Variants in ARSB observed in about 807,000 individuals in gnomAD.
ARSB encodes the protein arylsulfatase B.
In ARSB, 41 loss-of-function variants were observed where a neutral mutation model predicts 50.9. The observed-to-expected ratio is 0.81, with a 90% CI of 0.63 to 1.04. The LOEUF is 1.04. Among genes scored for constraint, ARSB ranks in the 50% least tolerant of loss-of-function variants. The pLI is 0.00. For missense variants in ARSB, 672 were observed against 693.3 expected, an observed-to-expected ratio of 0.97 and a Z score of 0.35; for synonymous variants, 269 against 284.8, an observed-to-expected ratio of 0.94 and a Z score of 0.56.
intron 4 of ARSB, among the ~76,000 whole-genome samples, chr5:78,933,786 G>A (rs987716204): frequency 6.6e-6 from 1 of 152,196 alleles, no homozygotes; most frequent in African/African-American, 2.4e-5. Context: ...TGGCAACGGG[G>A]AGTTAAAGTT....
intron 4 of ARSB, among the ~76,000 whole-genome samples, chr5:78,913,837 T>C (rs1215208962): frequency 1.3e-5 from 2 of 152,216 alleles, no homozygotes; most frequent in African/African-American, 2.4e-5. Context: ...CTGCTATTGT[T>C]AAAACTCATG....
intron 6 of ARSB, among the ~76,000 whole-genome samples, chr5:78,834,879 C>T (rs1367936140): frequency 6.6e-6 from 1 of 151,672 alleles, no homozygotes; most frequent in Admixed American, 6.6e-5. Flanking sequence ...TCCATAGAGG[C>T]TACATTATTT....
At chr5:78,851,047 G>T (rs1745748267) in intron 5 of ARSB, among the ~76,000 whole-genome samples, 1 of 152,118 alleles carries the variant, frequency 6.6e-6, no homozygotes, top group Admixed American at 6.5e-5. Context: ...GGTTTTTTGT[G>T]CCTCTATCTC....
chr5:78,892,023 C>A (rs1748320211), intron 4 of ARSB, among the ~76,000 whole-genome samples: 1 of 152,036 alleles, frequency 6.6e-6, no homozygotes, highest in Admixed American at 6.6e-5. Flanking sequence ...AAAATACCCA[C>A]CTTAATATTG....
At chr5:78,817,096 C>G (rs970139762) in intron 6 of ARSB, 1 of 985,332 alleles carries the variant, frequency 1.0e-6, no homozygotes, top group African/African-American at 1.7e-5. Context: ...TAGCAGTACC[C>G]TCCTTGTCTT....
chr5:78,813,860 A>G (rs1743900290), intron 6 of ARSB, among the ~76,000 whole-genome samples: 1 of 152,232 alleles, frequency 6.6e-6, no homozygotes, highest in Non-Finnish European at 1.5e-5. Flanking sequence ...CTGGCAAAAG[A>G]GAGGGTCATC....
intron 6 of ARSB, among the ~76,000 whole-genome samples, chr5:78,812,592 A>ACACAC (rs1743848696): frequency 6.9e-6 from 1 of 144,262 alleles, no homozygotes; most frequent in African/African-American, 2.6e-5. Context: ...ATTCTGTTCA[A>ACACAC]ACACACACAC....
At chr5:78,896,320 G>C (rs1049475432) in intron 4 of ARSB, among the ~76,000 whole-genome samples, 1 of 152,042 alleles carries the variant, frequency 6.6e-6, no homozygotes, top group African/African-American at 2.4e-5. Context: ...GGATGACTAT[G>C]GACCACACAC....
intron 4 of ARSB, among the ~76,000 whole-genome samples, chr5:78,921,068 A>T (rs1465375057): frequency 6.6e-6 from 1 of 152,180 alleles, no homozygotes; most frequent in African/African-American, 2.4e-5. Flanking sequence ...GACACAGATG[A>T]TCTTTCCCAA....
At chr5:78,954,015 A>G (rs1751596927) in intron 4 of ARSB, among the ~76,000 whole-genome samples, 1 of 152,148 alleles carries the variant, frequency 6.6e-6, no homozygotes, top group Non-Finnish European at 1.5e-5. Context: ...TAATTAACAG[A>G]CATGGCAGTT....
chr5:78,804,788 G>A (rs1297818852), intron 6 of ARSB, among the ~76,000 whole-genome samples: 1 of 152,192 alleles, frequency 6.6e-6, no homozygotes, highest in Non-Finnish European at 1.5e-5. Context: ...CCGGACAGTG[G>A]CCATTATACC....
In ARSB at chr5:78,914,388, T is replaced by C. The variant is rs187356268; in HGVS notation, c.899-28561A>G. Among the ~76,000 whole-genome samples the C allele has an allele frequency of 1.2e-3, 180 of 152,320 alleles. 3 individuals are homozygous for C. Among genetic ancestry groups the C allele is most frequent in the African/African-American group, 4.1e-3 (169 of 41,578 alleles). On this transcript the variant is annotated intron_variant, in intron 4 of 7. Coordinates refer to ENST00000264914, the MANE Select transcript of ARSB (RefSeq NM_000046.5). ...TAAAATCATGTGGTTTATTATACAA[T>C]AAAGTCTAATCTGGTAATCCAAAAG... is the stretch of plus-strand genomic sequence containing the variant.
intron 5 of ARSB, among the ~76,000 whole-genome samples, chr5:78,849,874 G>C (rs1369445508): frequency 6.7e-6 from 1 of 150,368 alleles, no homozygotes; most frequent in African/African-American, 2.4e-5. Flanking sequence ...TCTGTTATTG[G>C]TGTATAAGAA....
chr5:78,928,932 C>T (rs1750189143), intron 4 of ARSB, among the ~76,000 whole-genome samples: 3 of 152,138 alleles, frequency 2.0e-5, no homozygotes, highest in African/African-American at 7.2e-5. Context: ...GCCTAGTCAA[C>T]ATGCTCAGAA....
chr5:78,941,393 C>T (rs1234976031), intron 4 of ARSB, among the ~76,000 whole-genome samples: 3 of 152,048 alleles, frequency 2.0e-5, no homozygotes, highest in Non-Finnish European at 4.4e-5. Context: ...TCAGTTTCTG[C>T]CCATTCAGTA....
At chr5:78,828,242 T>G (rs1324740622) in intron 6 of ARSB, among the ~76,000 whole-genome samples, 2 of 142,758 alleles carry the variant, frequency 1.4e-5, no homozygotes, top group Non-Finnish European at 3.0e-5. Flanking sequence ...TTTTAAAAAT[T>G]TTGAGCTTTT....
intron 6 of ARSB, among the ~76,000 whole-genome samples, chr5:78,794,064 CCTTAA>C (rs1743085794): frequency 6.6e-6 from 1 of 152,164 alleles, no homozygotes; most frequent in South Asian, 2.1e-4. Context: ...TCTGCTGCAA[CCTTAA>C]CTTGAGCATA....
At chr5:78,851,025 A>C (rs1043295442) in intron 5 of ARSB, among the ~76,000 whole-genome samples, 17 of 152,032 alleles carry the variant, frequency 1.1e-4, no homozygotes, top group Non-Finnish European at 2.5e-4. Flanking sequence ...TGGATTCATT[A>C]ATTTTTTGAA....
intron 6 of ARSB, among the ~76,000 whole-genome samples, chr5:78,824,057 T>G (rs1450443524): frequency 6.6e-6 from 1 of 152,234 alleles, no homozygotes; most frequent in Non-Finnish European, 1.5e-5. Context: ...TAAAGAGCTG[T>G]TCTTTAAAAG....
Sources: gnomAD v4.1 joint callset for allele counts (sites outside exome capture counted in the v4.1 genomes callset) on GRCh38, gnomAD v4.1.1 for gene constraint, MANE v1.5 for transcripts, NCBI Gene and HGNC (gene_info 2026-07-23, HGNC 2026-07-21) for gene names.